The following NECTIN3 variants were observed in gnomAD, a reference collection of about 807,000 sequenced individuals.
NECTIN3 encodes the protein nectin-3.
Under a neutral mutation model 49.4 loss-of-function variants are expected in NECTIN3, and 8 were observed. The observed-to-expected ratio is 0.16, with a 90% CI of 0.10 to 0.29. The LOEUF is 0.29. NECTIN3 is among the 10% of genes least tolerant of loss of function. NECTIN3 has a pLI of 1.00. For missense variants in NECTIN3, 581 were observed against 654.6 expected (o/e 0.89, Z 1.23); for synonymous variants, 277 against 241.1 (o/e 1.15, Z -1.38).
chr3:111,072,664 C>A, intron 1 of NECTIN3: 1 of 1,294,300 alleles, frequency 7.7e-7, no homozygotes, highest in Non-Finnish European at 1.1e-6. Context: ...ACCATTTTAG[C>A]CCACCCAGCC....
intron 1 of NECTIN3, among the ~76,000 whole-genome samples, chr3:111,107,781 C>T (rs2033249334): frequency 6.6e-6 from 1 of 152,130 alleles, no homozygotes; most frequent in Admixed American, 6.6e-5. Context: ...AGAACTACAA[C>T]AGAAAATCTG....
At chr3:111,140,105 A>C (rs1341589528), downstream of NECTIN3, among the ~76,000 whole-genome samples, 1 of 151,868 alleles carries the variant, frequency 6.6e-6, no homozygotes, top group Non-Finnish European at 1.5e-5. Context: ...GTGATAACTA[A>C]AATGCCACCT....
intron 7 of NECTIN3, among the ~76,000 whole-genome samples, chr3:111,184,324 A>G (rs2035681254): frequency 6.6e-6 from 1 of 152,208 alleles, no homozygotes; most frequent in Non-Finnish European, 1.5e-5. Flanking sequence ...GAAAAGTCAT[A>G]TTGAAATTTA....
exon 6 of NECTIN3, chr3:111,144,953 C>T (rs2034837879): frequency 6.5e-7 from 1 of 1,536,082 alleles, no homozygotes; most frequent in Non-Finnish European, 8.7e-7. Flanking sequence ...GTAATTGGAG[C>T]TGTTCTTGCC....
At chr3:111,175,702 C>T (rs2035514896) in intron 7 of NECTIN3, among the ~76,000 whole-genome samples, 1 of 152,122 alleles carries the variant, frequency 6.6e-6, no homozygotes, top group Admixed American at 6.6e-5. Context: ...GATGACATTT[C>T]TCACTGTGTT....
At chr3:111,193,352 C>T (rs574950282) in intron 1 of NECTIN3, 4 of 1,535,580 alleles carry the variant, frequency 2.6e-6, no homozygotes, top group Non-Finnish European at 3.5e-6. Context: ...AGAGAGTCTA[C>T]ATCGACCCAC....
At chr3:111,183,923 T>G (rs1576186224) in intron 7 of NECTIN3, among the ~76,000 whole-genome samples, 1 of 152,262 alleles carries the variant, frequency 6.6e-6, no homozygotes, top group East Asian at 1.9e-4. Context: ...TTTGGAAAAT[T>G]TTGGCAGTTC....
chr3:111,105,861 A>C (rs1226039796), intron 1 of NECTIN3, among the ~76,000 whole-genome samples: 3 of 152,178 alleles, frequency 2.0e-5, no homozygotes, highest in Non-Finnish European at 4.4e-5. Flanking sequence ...TTCAGGCAAA[A>C]GGATAAATCT....
intron 1 of NECTIN3, among the ~76,000 whole-genome samples, chr3:111,107,080 A>T (rs2033213345): frequency 6.6e-6 from 1 of 152,090 alleles, no homozygotes. Context: ...TTAATTTCAA[A>T]CACTTTTAGT....
At chr3:111,098,401 C>T (rs755407036) in intron 1 of NECTIN3, among the ~76,000 whole-genome samples, 1 of 152,160 alleles carries the variant, frequency 6.6e-6, no homozygotes, top group Non-Finnish European at 1.5e-5. Context: ...AAAATCAAGC[C>T]GTGTTCCCTC....
At chr3:111,174,314 C>G (rs1241604105) in intron 7 of NECTIN3, among the ~76,000 whole-genome samples, 1 of 152,154 alleles carries the variant, frequency 6.6e-6, no homozygotes, top group African/African-American at 2.4e-5. Context: ...CCATTTTGCA[C>G]TCAAATCTGA....
intron 1 of NECTIN3, among the ~76,000 whole-genome samples, chr3:111,108,319 C>T (rs2033299948): frequency 6.7e-6 from 1 of 148,736 alleles, no homozygotes; most frequent in Non-Finnish European, 1.5e-5. Context: ...ATTTTTCTGT[C>T]TCTGCTGTCA....
intron 7 of NECTIN3, among the ~76,000 whole-genome samples, chr3:111,152,930 G>A (rs970407364): frequency 2.0e-5 from 3 of 151,750 alleles, no homozygotes; most frequent in Non-Finnish European, 3.0e-5. Context: ...TAATTTTTAG[G>A]TAGGCTGCTT....
At chr3:111,118,614 C>T in intron 2 of NECTIN3, 42 bp from the exon 3 acceptor site, 3 of 1,445,296 alleles carry the variant, frequency 2.1e-6, no homozygotes, top group Non-Finnish European at 2.8e-6. Flanking sequence ...TAAACATATT[C>T]TTGTTTGAAT....
intron 1 of NECTIN3, 139 bp from the exon 2 acceptor site, chr3:111,111,891 G>A (rs529379407): frequency 3.9e-6 from 2 of 516,826 alleles, no homozygotes; most frequent in African/African-American, 3.2e-5. Flanking sequence ...GCATGTGTGT[G>A]TGTGTGCATG....
chr3:111,102,746 T>G (rs1260177797), intron 1 of NECTIN3, among the ~76,000 whole-genome samples: 1 of 152,234 alleles, frequency 6.6e-6, no homozygotes. Context: ...AGATTTTTTT[T>G]GCTGTGTTGT....
At chr3:111,129,775 A>G (rs1021742547) in intron 5 of NECTIN3, among the ~76,000 whole-genome samples, 5 of 151,480 alleles carry the variant, frequency 3.3e-5, no homozygotes, top group African/African-American at 9.7e-5. Flanking sequence ...CAGCCTCCCA[A>G]GTAGCTGAGA....
rs770404577 is a variant in NECTIN3 at position 111,118,694 on chromosome 3, T to G, written c.541T>G (p.Leu181Val). The G allele has an allele frequency of 1.9e-6, 3 of 1,611,952 alleles. No homozygotes were observed. The African/African-American group carries it at 4.0e-5, about 22-fold the overall frequency. ...GAGCCTGATAAAAGGGCCAGATTCT[T>G]TAATTGATGGAGGAAATGAAACAGT... ...TVSLIKGPDS[L>V]IDGGNETVAA... The change falls in exon 3 of 6, where the codon TTA becomes GTA. Residue 181 changes from leucine to valine, a missense_variant. Leu to Val is a conservative substitution (Grantham distance 32). This residue lies in a region of NECTIN3 where 234 missense variants were observed against 340.6 expected (regional missense o/e 0.69). Transcript: ENST00000485303.
intron 1 of NECTIN3, among the ~76,000 whole-genome samples, chr3:111,106,217 T>C (rs2033175430): frequency 6.6e-6 from 1 of 152,172 alleles, no homozygotes; most frequent in African/African-American, 2.4e-5. Context: ...CTCATTAAAA[T>C]GCAAACTGTC....
Sources: gnomAD v4.1 joint callset for allele counts (sites outside exome capture counted in the v4.1 genomes callset) on GRCh38, gnomAD v4.1.1 for gene constraint, gnomAD v4.1.1 regional missense constraint, MANE v1.5 for transcripts, NCBI Gene and HGNC (gene_info 2026-07-23, HGNC 2026-07-21) for gene names.